Variants in MAP4 observed in about 807,000 individuals in gnomAD.
MAP4 encodes microtubule-associated protein 4.
In MAP4, 76 loss-of-function variants were observed where a neutral mutation model predicts 170.2. That is an observed-to-expected ratio of 0.45 (90% CI 0.37 to 0.54). The LOEUF is 0.54. Ranked by LOEUF, MAP4 falls within the 20% of genes least tolerant of loss-of-function variation. The probability of loss-of-function intolerance (pLI) is 0.00; values close to 1 mark genes in which losing one functional copy is unlikely to be tolerated. For missense variants in MAP4, 2,506 were observed against 2,748.0 expected, an observed-to-expected ratio of 0.91 and a Z score of 1.97; for synonymous variants, 909 against 994.5, an observed-to-expected ratio of 0.91 and a Z score of 1.62.
intron 1 of MAP4, among the ~76,000 whole-genome samples, chr3:48,029,324 G>C (rs553022531): frequency 1.8e-4 from 27 of 152,130 alleles, no homozygotes; most frequent in African/African-American, 6.3e-4. Flanking sequence ...CATAATCCCA[G>C]CTACTCGGGA....
At position 47,910,546 on chromosome 3, in the gene MAP4, T is replaced by C. The variant is rs1268783275; in HGVS notation, c.3875A>G (p.Gln1292Arg). Residue 1292 changes from glutamine (Q) to arginine (R), a missense_variant, in exon 9 of 21, where the codon CAG becomes CGG. Physicochemically the swap from Gln to Arg is conservative, Grantham distance 43. Transcript: ENST00000683076. Reference protein sequence around the residue: ...EAVDRKGGNFQVNFVELGTLG... With the variant: ...EAVDRKGGNFRVNFVELGTLG... ...AGTCCCAAGCTCAACAAAATTAACC[T>C]GAAAATTTCCACCCTTCCTGTCAAC... 3 of 1,536,122 alleles carry C rather than the reference T, an allele frequency of 2.0e-6. No homozygotes were observed. The highest frequency in any genetic ancestry group is 2.6e-6 in the Non-Finnish European group (3 of 1,146,910).
At chr3:47,991,669 CTT>C (rs879549636) in intron 2 of MAP4, among the ~76,000 whole-genome samples, 3 of 145,148 alleles carry the variant, frequency 2.1e-5, no homozygotes, top group African/African-American at 5.0e-5. Flanking sequence ...TCTGTCTTTT[CTT>C]TTTTTTTTTT....
intron 1 of MAP4, among the ~76,000 whole-genome samples, chr3:48,053,704 C>A (rs2100129123): frequency 6.6e-6 from 1 of 152,160 alleles, no homozygotes; most frequent in Non-Finnish European, 1.5e-5. Context: ...ATCTGTCTCT[C>A]AGGCACTCGA....
intron 1 of MAP4, among the ~76,000 whole-genome samples, chr3:48,002,579 A>C (rs975779044): frequency 2.6e-5 from 4 of 151,718 alleles, no homozygotes; most frequent in African/African-American, 9.7e-5. Flanking sequence ...AAAAATTTTT[A>C]AAAATAAAAA....
intron 2 of MAP4, among the ~76,000 whole-genome samples, chr3:47,993,583 GAGC>G (rs1369871908): frequency 6.6e-6 from 1 of 152,232 alleles, no homozygotes; most frequent in Non-Finnish European, 1.5e-5. Flanking sequence ...GAGCTGCAAA[GAGC>G]AGAGCTTTCG....
intron 1 of MAP4, among the ~76,000 whole-genome samples, chr3:48,049,641 A>G (rs561329651): frequency 1.9e-4 from 28 of 148,880 alleles, no homozygotes; most frequent in African/African-American, 7.0e-4. Flanking sequence ...ACTAGTAAAA[A>G]TTAAATTAAG....
In MAP4 at chr3:47,909,425, C is replaced by G. The variant is rs886885931; in HGVS notation, c.4996G>C (p.Glu1666Gln). The G allele has an allele frequency of 6.2e-7, 1 of 1,613,388 alleles. No homozygotes were observed. Among genetic ancestry groups the G allele is most frequent in the African/African-American group, 1.3e-5 (1 of 74,872 alleles). The change falls in exon 9 of 21, where the codon GAA becomes CAA. Residue 1666 changes from glutamate (E) to glutamine (Q), a missense_variant. Glu to Gln is a conservative substitution (Grantham distance 29). Coordinates refer to ENST00000683076, the MANE Select transcript of MAP4 (RefSeq NM_001385682.1). ...VDLTLLSPKS[E>Q]NDKLKEISLA... ...CTAATTTCTTTCAATTTATCATTTT[C>G]ACTTTTTGGAGACAAAAGAGTCAGA...
At position 48,009,671 on chromosome 3, in the gene MAP4, G is replaced by A. The variant is rs929032712; in HGVS notation, c.-20+6663C>T. On this transcript the variant is annotated intron_variant, in intron 1 of 20. Transcript: ENST00000683076. The stretch of plus-strand genomic sequence containing the variant: ...AAGGCCGTGTATCCTCTGAATCAGC[G>A]TCCAATATAAGGTACTGTTTCTCCC... 5.9e-5 allele frequency among the ~76,000 whole-genome samples: 9 copies of A among 152,090 alleles called. No homozygotes were observed. In the East Asian group the frequency reaches 1.7e-3, roughly 29 times the overall value.
chr3:48,029,427 C>T (rs2100114811), intron 1 of MAP4, among the ~76,000 whole-genome samples: 1 of 152,020 alleles, frequency 6.6e-6, no homozygotes, highest in African/African-American at 2.4e-5. Context: ...CAGAGCGAGA[C>T]TCTGTCTCTA....
intron 10 of MAP4, among the ~76,000 whole-genome samples, chr3:47,888,304 A>G (rs1358524825): frequency 1.3e-5 from 2 of 152,030 alleles, no homozygotes; most frequent in Non-Finnish European, 2.9e-5. Context: ...CCCCTTCCAC[A>G]CTGTGGAAGC....
rs2100034791 is a variant in MAP4, at chr3:47,909,398, G to C, written c.5023C>G (p.Leu1675Val). ...SENDKLKEIS[L>V]ACKITELESV... ...TCCAATTCCGTGATTTTACAAGCCA[G>C]ACTAATTTCTTTCAATTTATCATTT... Residue 1675 changes from leucine to valine, a missense_variant, in exon 9 of 21, where the codon CTG becomes GTG. By Grantham distance (32) the Leu-to-Val change is conservative (BLOSUM62 1). This residue lies in a region of MAP4 where 2,008 missense variants were observed against 2,206.0 expected (regional missense o/e 0.91). Transcript: ENST00000683076. The C allele has an allele frequency of 6.2e-7, 1 of 1,613,750 alleles. No individual in the cohort carries two copies. Among genetic ancestry groups the C allele is most frequent in the Non-Finnish European group, 8.5e-7 (1 of 1,179,724 alleles).
At chr3:47,877,389 A>C (rs111834828) in intron 11 of MAP4, 28 bp downstream of exon 11, 193 of 1,527,056 alleles carry the variant, frequency 1.3e-4, no homozygotes, top group Middle Eastern at 6.8e-4. Context: ...TTATGGCAGT[A>C]GAAGATAACC....
chr3:47,963,024 T>C (rs547084842), intron 3 of MAP4, among the ~76,000 whole-genome samples: 16 of 152,336 alleles, frequency 1.1e-4, no homozygotes, highest in Non-Finnish European at 1.5e-4. Flanking sequence ...TTTTTTGCAG[T>C]GAGAGTCCTA....
intron 8 of MAP4, among the ~76,000 whole-genome samples, chr3:47,914,375 T>C (rs1205172505): frequency 6.6e-6 from 1 of 151,888 alleles, no homozygotes; most frequent in Non-Finnish European, 1.5e-5. Context: ...CTGGCCAACA[T>C]GGTGAAACCT....
intron 2 of MAP4, among the ~76,000 whole-genome samples, chr3:47,978,743 T>C (rs541061588): frequency 4.2e-4 from 63 of 150,766 alleles, no homozygotes; most frequent in African/African-American, 1.1e-3. Context: ...TTTTTTTTTT[T>C]CCCTCTTTTT....
intron 1 of MAP4, among the ~76,000 whole-genome samples, chr3:48,060,415 G>C (rs2100134552): frequency 6.6e-6 from 1 of 151,934 alleles, no homozygotes; most frequent in Non-Finnish European, 1.5e-5. Flanking sequence ...GGATAACATA[G>C]AAGAAAATCT....
chr3:48,076,262 C>T (rs754941514), intron 1 of MAP4, among the ~76,000 whole-genome samples: 42 of 151,192 alleles, frequency 2.8e-4, no homozygotes, highest in Non-Finnish European at 4.3e-4. Flanking sequence ...TTTGGGAGCC[C>T]GAGGTGGGCA....
intron 1 of MAP4, among the ~76,000 whole-genome samples, chr3:48,064,766 T>C (rs2100137571): frequency 6.6e-6 from 1 of 152,154 alleles, no homozygotes; most frequent in African/African-American, 2.4e-5. Context: ...CTAGGCTATA[T>C]GGTATAATCT....
At chr3:48,066,025 TACAA>T (rs1162854790) in intron 1 of MAP4, among the ~76,000 whole-genome samples, 2 of 151,996 alleles carry the variant, frequency 1.3e-5, no homozygotes, top group African/African-American at 2.4e-5. Flanking sequence ...CTAATAAACA[TACAA>T]ACAAACATAC....
Sources: allele counts gnomAD v4.1 joint callset (sites outside exome capture counted in the v4.1 genomes callset), GRCh38; gene constraint gnomAD v4.1.1; regional missense constraint gnomAD v4.1.1; transcripts MANE v1.5; gene names NCBI Gene and HGNC (gene_info 2026-07-23, HGNC 2026-07-21).